The following DYM variants were observed in gnomAD, a reference collection of about 807,000 sequenced individuals.
The protein encoded by DYM is dyggve-Melchior-Clausen syndrome protein.
DYM carries 78 observed loss-of-function variants against 93.1 expected under a neutral mutation model. The observed-to-expected ratio is 0.84, with a 90% CI of 0.70 to 1.01. The LOEUF is 1.01. DYM is among the 50% of genes least tolerant of loss of function. The probability of loss-of-function intolerance (pLI) is 0.00; values close to 1 mark genes in which losing one functional copy is unlikely to be tolerated. For missense variants in DYM, 789 were observed against 845.0 expected, an observed-to-expected ratio of 0.93 and a Z score of 0.82; for synonymous variants, 321 against 319.7, an observed-to-expected ratio of 1.00 and a Z score of -0.04.
chr18:49,354,239 A>G (rs1435021536), intron 6 of DYM, among the ~76,000 whole-genome samples: 1 of 152,118 alleles, frequency 6.6e-6, no homozygotes, highest in Non-Finnish European at 1.5e-5. Flanking sequence ...AGATCTAAAT[A>G]TGAAATGCAA....
At chr18:49,303,013 C>G (rs1235911804) in intron 8 of DYM, among the ~76,000 whole-genome samples, 2 of 152,224 alleles carry the variant, frequency 1.3e-5, no homozygotes, top group Non-Finnish European at 2.9e-5. Flanking sequence ...TTCAGTGAGT[C>G]TAGCTCCAAA....
chr18:49,308,171 A>AT (rs545235257), intron 8 of DYM, among the ~76,000 whole-genome samples: 16 of 151,826 alleles, frequency 1.1e-4, no homozygotes, highest in East Asian at 3.9e-4. Flanking sequence ...AAAAACAGCT[A>AT]TTTTTTTTAC....
intron 17 of DYM, among the ~76,000 whole-genome samples, chr18:49,050,716 C>T (rs2072322720): frequency 1.3e-5 from 2 of 151,974 alleles, no homozygotes; most frequent in Non-Finnish European, 2.9e-5. Context: ...CACTAATGAC[C>T]ACCCTATAAA....
intron 16 of DYM, among the ~76,000 whole-genome samples, chr18:49,107,321 C>A (rs547770064): frequency 6.6e-6 from 1 of 151,900 alleles, no homozygotes; most frequent in Non-Finnish European, 1.5e-5. Flanking sequence ...TTTTTTTTCA[C>A]GATTTTTAAC....
At chr18:49,252,216 CAA>C (rs774500057) in intron 13 of DYM, among the ~76,000 whole-genome samples, 191 of 27,222 alleles carry the variant, frequency 7.0e-3, no homozygotes, top group Middle Eastern at 0.05. Context: ...AGACTTGCCT[CAA>C]AAAAAAAAAA....
At chr18:49,181,621 C>T (rs1435555577) in intron 14 of DYM, among the ~76,000 whole-genome samples, 1 of 152,066 alleles carries the variant, frequency 6.6e-6, no homozygotes, top group African/African-American at 2.4e-5. Context: ...GTGCTCAAAA[C>T]GTTCTGAATT....
intron 11 of DYM, among the ~76,000 whole-genome samples, chr18:49,260,378 A>G (rs1460274988): frequency 1.3e-5 from 2 of 152,216 alleles, no homozygotes; most frequent in African/African-American, 2.4e-5. Flanking sequence ...AGTGAGCACT[A>G]TGGAAAATTA....
Position 49,452,669 on chromosome 18 carries a change from G to A in DYM, c.-54+7729C>T, listed in dbSNP as rs2082626501. 5.2e-5 allele frequency among the ~76,000 whole-genome samples: 4 copies of A among 76,932 alleles called. 1 individual carries two copies. The South Asian group carries it at 1.8e-3, about 34-fold the overall frequency. The allele number at this position is 76,932 out of a possible 152,430, so 50.5% of individuals were successfully genotyped here. On this transcript the variant is annotated intron_variant, in intron 1 of 17. Transcript: ENST00000675505. ...TGCCGTGGGCTCCTGCGTGGCCTGA[G>A]CCTCCCTGACGAGCGCCGCTCCCTG...
intron 1 of DYM, among the ~76,000 whole-genome samples, chr18:49,457,774 A>G (rs997397230): frequency 2.6e-5 from 4 of 152,108 alleles, no homozygotes; most frequent in African/African-American, 4.8e-5. Flanking sequence ...TCGAGGGGGG[A>G]TTTATCCTGA....
chr18:49,338,315 A>G (rs994328736), intron 6 of DYM, among the ~76,000 whole-genome samples: 4 of 152,258 alleles, frequency 2.6e-5, no homozygotes, highest in Non-Finnish European at 4.4e-5. Context: ...TGATCTGAAC[A>G]GAATGACAAT....
chr18:49,112,443 A>C (rs2081507012), intron 16 of DYM, among the ~76,000 whole-genome samples: 1 of 152,198 alleles, frequency 6.6e-6, no homozygotes, highest in Non-Finnish European at 1.5e-5. Flanking sequence ...GCTCTGCCAC[A>C]GGTGATCCAG....
intron 6 of DYM, among the ~76,000 whole-genome samples, chr18:49,342,343 G>A (rs1005389061): frequency 3.3e-5 from 5 of 152,120 alleles, no homozygotes; most frequent in African/African-American, 1.2e-4. Context: ...GGGCCCGACA[G>A]GATAATGAAT....
At chr18:49,415,185 T>C (rs1199904751) in intron 2 of DYM, among the ~76,000 whole-genome samples, 6 of 151,666 alleles carry the variant, frequency 4.0e-5, no homozygotes, top group African/African-American at 9.7e-5. Flanking sequence ...TAGCCGAGCA[T>C]GGCACACACC....
intron 15 of DYM, among the ~76,000 whole-genome samples, chr18:49,132,836 T>C (rs1052608465): frequency 6.6e-6 from 1 of 152,124 alleles, no homozygotes; most frequent in African/African-American, 2.4e-5. Flanking sequence ...GTCATGATCA[T>C]CTTAATAGAT....
chr18:49,114,455 T>A, intron 16 of DYM: 4 of 726,976 alleles, frequency 5.5e-6, no homozygotes, highest in Non-Finnish European at 6.7e-6. Context: ...TGGGTATAAG[T>A]CCAACTTAAC....
At chr18:49,209,421 T>G in intron 14 of DYM, 130 bp downstream of exon 14, 1 of 614,506 alleles carries the variant, frequency 1.6e-6, no homozygotes, top group Non-Finnish European at 2.2e-6. Context: ...TTTAAAAAAA[T>G]TATTTAGTAC....
At chr18:49,293,986 T>G (rs934705773) in intron 8 of DYM, among the ~76,000 whole-genome samples, 9 of 152,200 alleles carry the variant, frequency 5.9e-5, no homozygotes, top group African/African-American at 2.2e-4. Context: ...TTGAGTTAAT[T>G]TTTGTATAAG....
chr18:49,188,411 C>T (rs2090651057), intron 14 of DYM, among the ~76,000 whole-genome samples: 2 of 152,082 alleles, frequency 1.3e-5, no homozygotes, highest in South Asian at 4.1e-4. Context: ...CTGTGACACA[C>T]AGACAATGGA....
chr18:49,414,647 C>T (rs1045310822), intron 2 of DYM, among the ~76,000 whole-genome samples: 3 of 152,194 alleles, frequency 2.0e-5, no homozygotes, highest in African/African-American at 7.2e-5. Context: ...TGCCCCTCTA[C>T]CTGGAATACT....
Sources: gnomAD v4.1 joint callset for allele counts (sites outside exome capture counted in the v4.1 genomes callset) on GRCh38, gnomAD v4.1.1 for gene constraint, MANE v1.5 for transcripts, NCBI Gene and HGNC (gene_info 2026-07-23, HGNC 2026-07-21) for gene names.